TSPAN5: variants seen among roughly 807,000 people sequenced by gnomAD.
TSPAN5 encodes tetraspanin 5.
Under a neutral mutation model 37.1 loss-of-function variants are expected in TSPAN5, and 10 were observed. That is an observed-to-expected ratio of 0.27 (90% CI 0.17 to 0.46). TSPAN5 has a LOEUF of 0.46. Among genes scored for constraint, TSPAN5 ranks in the 20% least tolerant of loss-of-function variants. The pLI, the probability that TSPAN5 is intolerant of heterozygous loss-of-function variation, is 1.00. For synonymous variants in TSPAN5, 110 were observed against 118.9 expected (o/e 0.93, Z 0.48); for missense variants, 195 against 326.6 (o/e 0.60, Z 3.11).
At chr4:98,510,528 C>T (rs1753581099) in intron 1 of TSPAN5, among the ~76,000 whole-genome samples, 2 of 152,148 alleles carry the variant, frequency 1.3e-5, no homozygotes, top group African/African-American at 4.8e-5. Flanking sequence ...TCCACATTCT[C>T]CTTTTTAAAT....
intron 1 of TSPAN5, among the ~76,000 whole-genome samples, chr4:98,628,808 G>A (rs1365795343): frequency 6.6e-6 from 1 of 152,116 alleles, no homozygotes; most frequent in Non-Finnish European, 1.5e-5. Context: ...TATCAAAACT[G>A]AGCTGTATCA....
At chr4:98,641,778 C>T (rs1335282818) in intron 1 of TSPAN5, among the ~76,000 whole-genome samples, 1 of 152,168 alleles carries the variant, frequency 6.6e-6, no homozygotes, top group Non-Finnish European at 1.5e-5. Flanking sequence ...ACCAGGACTC[C>T]CACTGTCCCC....
At chr4:98,550,946 C>G (rs1236039939) in intron 1 of TSPAN5, among the ~76,000 whole-genome samples, 2 of 152,096 alleles carry the variant, frequency 1.3e-5, no homozygotes, top group Non-Finnish European at 2.9e-5. Context: ...GGGCATGCTT[C>G]TCTTGTTCCA....
intron 1 of TSPAN5, among the ~76,000 whole-genome samples, chr4:98,561,466 T>C (rs1156706641): frequency 6.6e-6 from 1 of 152,218 alleles, no homozygotes; most frequent in Non-Finnish European, 1.5e-5. Context: ...ATGGTAGATA[T>C]TCAGTATTTA....
intron 1 of TSPAN5, among the ~76,000 whole-genome samples, chr4:98,650,333 G>A (rs1455321921): frequency 1.3e-5 from 2 of 152,196 alleles, no homozygotes; most frequent in South Asian, 2.1e-4. Flanking sequence ...CCCAGAGCAG[G>A]GTATCTCAGG....
chr4:98,478,230 A>C (rs1752750560), intron 5 of TSPAN5, among the ~76,000 whole-genome samples: 1 of 152,200 alleles, frequency 6.6e-6, no homozygotes, highest in Non-Finnish European at 1.5e-5. Flanking sequence ...GAAAAGGGTT[A>C]CTAACCCCAA....
intron 1 of TSPAN5, among the ~76,000 whole-genome samples, chr4:98,584,819 A>T (rs1257876290): frequency 6.6e-6 from 1 of 152,216 alleles, no homozygotes; most frequent in Non-Finnish European, 1.5e-5. Context: ...AGAGAATTGA[A>T]TGTGTCTTGA....
intron 1 of TSPAN5, among the ~76,000 whole-genome samples, chr4:98,553,709 G>C (rs1754671267): frequency 6.6e-6 from 1 of 152,044 alleles, no homozygotes; most frequent in African/African-American, 2.4e-5. Context: ...ACCAGCTTGG[G>C]CAAGACCATG....
chr4:98,496,962 C>T (rs1014593040), intron 2 of TSPAN5, among the ~76,000 whole-genome samples: 1 of 152,016 alleles, frequency 6.6e-6, no homozygotes, highest in Non-Finnish European at 1.5e-5. Flanking sequence ...GAGGTGGGGC[C>T]TTTGGGAGGT....
intron 4 of TSPAN5, among the ~76,000 whole-genome samples, chr4:98,480,106 G>A (rs914580539): frequency 2.0e-5 from 3 of 152,116 alleles, no homozygotes; most frequent in African/African-American, 7.2e-5. Flanking sequence ...TCGACCTGCC[G>A]ATCCGCCTGG....
chr4:98,607,246 G>T (rs73832356), intron 1 of TSPAN5, among the ~76,000 whole-genome samples: 21,396 of 152,104 alleles, frequency 0.14, 2,034 homozygotes, highest in African/African-American at 0.27. Context: ...AGAAAAACAG[G>T]GGAGAGAGTT....
At chr4:98,630,630 A>G (rs1248976617) in intron 1 of TSPAN5, among the ~76,000 whole-genome samples, 3 of 152,226 alleles carry the variant, frequency 2.0e-5, no homozygotes. Context: ...ACGGAATCCA[A>G]CGCCAAGCTT....
chr4:98,602,728 A>G (rs1755910180), intron 1 of TSPAN5, among the ~76,000 whole-genome samples: 1 of 152,226 alleles, frequency 6.6e-6, no homozygotes, highest in South Asian at 2.1e-4. Flanking sequence ...AAGATTAGGA[A>G]AGCAAGCTGA....
intron 1 of TSPAN5, among the ~76,000 whole-genome samples, chr4:98,545,529 A>T (rs28440056): frequency 4.0e-5 from 6 of 151,856 alleles, no homozygotes; most frequent in Non-Finnish European, 5.9e-5. Flanking sequence ...ATTTCTACAC[A>T]TAAGACTTTT....
At chr4:98,581,068 G>A (rs1375298825) in intron 1 of TSPAN5, among the ~76,000 whole-genome samples, 1 of 152,090 alleles carries the variant, frequency 6.6e-6, no homozygotes, top group African/African-American at 2.4e-5. Flanking sequence ...AAATTAACGG[G>A]AACAATCTGT....
chr4:98,636,256 G>T (rs1484416938), intron 1 of TSPAN5, among the ~76,000 whole-genome samples: 1 of 152,216 alleles, frequency 6.6e-6, no homozygotes, highest in Non-Finnish European at 1.5e-5. Flanking sequence ...ATAGTGGACT[G>T]CTTTACAGTG....
At position 98,555,113 on chromosome 4, in the gene TSPAN5, A is replaced by G. The variant is rs566541344; in HGVS notation, c.82-47385T>C. Among the ~76,000 whole-genome samples, 57 of 152,306 alleles carry G rather than the reference A, an allele frequency of 3.7e-4. 1 individual carries two copies. The highest frequency in any genetic ancestry group is 1.2e-3 in the Admixed American group (18 of 15,300). Reference sequence around the variant, plus strand: ...GTGGTTACTGCTTCCAGCAGCCCCAATGGTACTGAACATGTCCAACTTCGT... The same window carrying G: ...GTGGTTACTGCTTCCAGCAGCCCCAGTGGTACTGAACATGTCCAACTTCGT... On this transcript the variant is annotated intron_variant, in intron 1 of 7. Transcript: ENST00000305798.
At chr4:98,551,268 G>T (rs953773962) in intron 1 of TSPAN5, among the ~76,000 whole-genome samples, 2 of 152,014 alleles carry the variant, frequency 1.3e-5, no homozygotes, top group African/African-American at 4.8e-5. Context: ...TGAGCTGCTG[G>T]ATTCAATTTG....
At chr4:98,655,256 C>A (rs1429946266) in intron 1 of TSPAN5, among the ~76,000 whole-genome samples, 1 of 152,180 alleles carries the variant, frequency 6.6e-6, no homozygotes, top group Non-Finnish European at 1.5e-5. Flanking sequence ...GTCTCCCTAA[C>A]AGAAAATGTC....
Sources: gnomAD v4.1 joint callset for allele counts (sites outside exome capture counted in the v4.1 genomes callset) on GRCh38, gnomAD v4.1.1 for gene constraint, MANE v1.5 for transcripts, NCBI Gene and HGNC (gene_info 2026-07-23, HGNC 2026-07-21) for gene names.